The following SLC5A10 variants were observed in gnomAD, a reference collection of about 807,000 sequenced individuals.
The protein encoded by SLC5A10 is solute carrier family 5 member 10, also known as sodium/mannose cotransporter SLC5A10.
Under a neutral mutation model 68.9 loss-of-function variants are expected in SLC5A10, and 55 were observed. That is an observed-to-expected ratio of 0.80 (90% CI 0.64 to 1.00). The LOEUF is 1.00. Among genes scored for constraint, SLC5A10 ranks in the 50% least tolerant of loss-of-function variants. The pLI, the probability that SLC5A10 is intolerant of heterozygous loss-of-function variation, is 0.00. For synonymous variants in SLC5A10, 344 were observed against 344.8 expected (o/e 1.00, Z 0.02); for missense variants, 732 against 819.3 (o/e 0.89, Z 1.30).
chr17:18,966,238 G>A (rs565442508), intron 5 of SLC5A10, among the ~76,000 whole-genome samples: 1 of 152,258 alleles, frequency 6.6e-6, no homozygotes, highest in African/African-American at 2.4e-5. Context: ...GGCACCTCTG[G>A]ACAGCAGCCT....
intron 5 of SLC5A10, among the ~76,000 whole-genome samples, chr17:18,961,973 T>A (rs2042621868): frequency 6.6e-6 from 1 of 152,202 alleles, no homozygotes. Flanking sequence ...TGTAGGAGGT[T>A]TGCTTTCTCT....
Position 19,021,850 on chromosome 17 carries a change from G to T in SLC5A10, c.*1419G>T. The T allele has an allele frequency of 8.3e-7, 1 of 1,204,010 alleles. No individual in the cohort carries two copies. The highest frequency in any genetic ancestry group is 1.8e-5 in the South Asian group (1 of 54,862). The allele number at this position is 1,204,010 out of a possible 1,614,324, so 74.6% of individuals were successfully genotyped here. A position where few individuals can be genotyped will look rare whatever the true frequency, so the allele number is the denominator to read the frequency against. On this transcript the variant is annotated 3_prime_UTR_variant, in exon 15 of 15. Transcript: ENST00000395645. This position sits in a 1 kb window ranked among gnomAD's most constrained non-coding sequence, Gnocchi z 4.1. Reference sequence around the variant, plus strand: ...GTTAGGAGCCCACGTTCAGTCCAAGGCCGTCCACTGAGCCCCGTGTGACTC... The same window carrying T: ...GTTAGGAGCCCACGTTCAGTCCAAGTCCGTCCACTGAGCCCCGTGTGACTC...
chr17:18,979,264 G>A (rs1436677560), intron 9 of SLC5A10: 1 of 490,644 alleles, frequency 2.0e-6, no homozygotes, highest in Non-Finnish European at 3.7e-6. Context: ...CATCCCTAAG[G>A]ACGGCTCTCA....
chr17:18,994,973 T>C (rs2043526231), intron 9 of SLC5A10, among the ~76,000 whole-genome samples: 1 of 152,218 alleles, frequency 6.6e-6, no homozygotes, highest in Non-Finnish European at 1.5e-5. Flanking sequence ...TCCTGCCTAA[T>C]AAAGCTTGAC....
chr17:18,971,812 C>T lies in SLC5A10; in HGVS notation c.846+594C>T, dbSNP rs1482530869. 8.7e-6 allele frequency: 13 copies of T among 1,501,884 alleles called. No homozygotes were observed. The highest frequency in any genetic ancestry group is 1.1e-5 in the Non-Finnish European group (12 of 1,124,438). The allele number at this position is 1,501,884 out of a possible 1,614,324, so 93.0% of individuals were successfully genotyped here. On this transcript the variant is annotated intron_variant, in intron 8 of 14. Coordinates refer to ENST00000395645, the MANE Select transcript of SLC5A10 (RefSeq NM_001042450.4). This position sits in a 1 kb window ranked among gnomAD's most constrained non-coding sequence, Gnocchi z 5.5. ...GGGCCAACCCCGCCCCAGCACAGGA[C>T]CCTGCTCAGGCACACAGGAGCCGGC...
intron 9 of SLC5A10, among the ~76,000 whole-genome samples, chr17:19,007,900 A>G (rs879577962): frequency 6.7e-5 from 9 of 134,800 alleles, no homozygotes; most frequent in Admixed American, 6.2e-4. Flanking sequence ...ATTTGGGAAG[A>G]AAAATTGCAA....
chr17:19,003,395 G>A lies in SLC5A10; in HGVS notation c.983-10015G>A. 9.3e-7 allele frequency: 1 copy of A among 1,069,968 alleles called. No individual in the cohort carries two copies. The highest frequency in any genetic ancestry group is 1.2e-6 in the Non-Finnish European group (1 of 805,216). 66.3% of individuals were successfully genotyped at this position (1,069,968 alleles called of 1,614,324 possible). A position where few individuals can be genotyped will look rare whatever the true frequency, so the allele number is the denominator to read the frequency against. On this transcript the variant is annotated intron_variant, in intron 9 of 14. Coordinates refer to ENST00000395645, the MANE Select transcript of SLC5A10 (RefSeq NM_001042450.4). The surrounding 1 kb of genome is among the most constrained non-coding windows in gnomAD (Gnocchi z 4.5). ...AAACCTCCACCCAAGAGGCAGCCAGGGAAAACAGCAGAGATCCCTAGAAGC... is the reference window on the plus strand; with the variant it reads ...AAACCTCCACCCAAGAGGCAGCCAGAGAAAACAGCAGAGATCCCTAGAAGC...
At chr17:18,976,615 A>G in intron 8 of SLC5A10, 1 of 538,632 alleles carries the variant, frequency 1.9e-6, no homozygotes, top group Non-Finnish European at 3.3e-6. Context: ...TTGACAGGTC[A>G]GGGGACTGAG....
rs2043773628 is a variant in SLC5A10 at position 19,003,127 on chromosome 17, A to G, written c.983-10283A>G. 6.6e-6 allele frequency among the ~76,000 whole-genome samples: 1 copy of G among 151,762 alleles called. No individual in the cohort carries two copies. The highest frequency in any genetic ancestry group is 6.6e-5 in the Admixed American group (1 of 15,248). On this transcript the variant is annotated intron_variant, in intron 9 of 14. Coordinates refer to ENST00000395645, the MANE Select transcript of SLC5A10 (RefSeq NM_001042450.4). The surrounding 1 kb of genome is among the most constrained non-coding windows in gnomAD (Gnocchi z 4.5). ...CCCCACAACAAAAGCTCTCCCCACC[A>G]GAGAGCTCATGGTGTGTGCGCGCCT... is the stretch of plus-strand genomic sequence containing the variant.
chr17:18,965,140 C>T (rs1344385520), intron 5 of SLC5A10, among the ~76,000 whole-genome samples: 2 of 151,082 alleles, frequency 1.3e-5, no homozygotes, highest in African/African-American at 4.9e-5. Context: ...TTGCACAAGC[C>T]AAATGCAGGA....
At chr17:19,011,893 T>A (rs1025846530) in intron 9 of SLC5A10, among the ~76,000 whole-genome samples, 2 of 150,672 alleles carry the variant, frequency 1.3e-5, no homozygotes, top group African/African-American at 4.9e-5. Context: ...GGGCTGGGCA[T>A]CTAAGAAGGG....
Position 18,983,279 on chromosome 17 carries a change from G to A in SLC5A10, c.982+6290G>A, listed in dbSNP as rs574659715. Among the ~76,000 whole-genome samples the A allele has an allele frequency of 1.2e-4, 18 of 152,378 alleles. No individual in the cohort carries two copies. The East Asian group carries it at 3.5e-3, about 29-fold the overall frequency. On this transcript the variant is annotated intron_variant, in intron 9 of 14. Transcript: ENST00000395645. ...ATTTCACCCTCACACAACCCCGTGA[G>A]GCATCACTATGGCCATGGGGCGCTC...
chr17:18,981,703 A>G (rs894968205), intron 9 of SLC5A10, among the ~76,000 whole-genome samples: 3 of 152,148 alleles, frequency 2.0e-5, no homozygotes, highest in South Asian at 2.1e-4. Flanking sequence ...GGGATAAACC[A>G]TAGCCTTTTC....
In SLC5A10 at chr17:18,959,598, C is replaced by G; in HGVS notation, c.289-6C>G. 6.2e-7 allele frequency: 1 copy of G among 1,613,740 alleles called. No individual in the cohort carries two copies. The highest frequency in any genetic ancestry group is 8.5e-7 in the Non-Finnish European group (1 of 1,179,970). On this transcript the variant is annotated splice_polypyrimidine_tract_variant and splice_region_variant and intron_variant, in intron 3 of 14. Transcript: ENST00000395645. ...CTGCAGTCCTCACCTGTCTCTGTCC[C>G]CATAGGCCACGTACGTGCTGCTGGC...
chr17:18,963,992 G>A (rs2042662709), intron 5 of SLC5A10, among the ~76,000 whole-genome samples: 1 of 152,176 alleles, frequency 6.6e-6, no homozygotes, highest in African/African-American at 2.4e-5. Flanking sequence ...AACACACCAG[G>A]CATGGTCCTG....
At position 18,968,985 on chromosome 17, in the gene SLC5A10, C is replaced by T; in HGVS notation, c.454-67C>T. 1 of 1,506,636 alleles carries T rather than the reference C, an allele frequency of 6.6e-7. No homozygotes were observed. Among genetic ancestry groups the T allele is most frequent in the East Asian group, 2.3e-5 (1 of 43,236 alleles). 93.3% of individuals were successfully genotyped at this position (1,506,636 alleles called of 1,614,324 possible). ...GCCCAGAGAGGGCCTTGCCCGAGGT[C>T]ACCCAGGGAGTGGCTTGCTGGAGCC... On this transcript the variant is annotated intron_variant, in intron 5 of 14. Coordinates refer to ENST00000395645, the MANE Select transcript of SLC5A10 (RefSeq NM_001042450.4). This position sits in a 1 kb window ranked among gnomAD's most constrained non-coding sequence, Gnocchi z 4.1.
In SLC5A10 at chr17:18,968,823, T is replaced by C. The variant is rs185380397; in HGVS notation, c.454-229T>C. ...AGGCATTGGCCACTTTGGACTTTAT[T>C]AGCAACAGTAATGTCCCCTGACATC... On this transcript the variant is annotated intron_variant, in intron 5 of 14. Transcript: ENST00000395645. This position sits in a 1 kb window ranked among gnomAD's most constrained non-coding sequence, Gnocchi z 4.1. 3.5e-4 allele frequency: 191 copies of C among 538,442 alleles called. No individual in the cohort carries two copies. The highest frequency in any genetic ancestry group is 3.4e-3 in the African/African-American group (177 of 52,076). The allele number at this position is 538,442 out of a possible 1,614,324, so 33.4% of individuals were successfully genotyped here.
At position 19,013,523 on chromosome 17, in the gene SLC5A10, G is replaced by T. The variant is rs1292634588; in HGVS notation, c.1090+6G>T. ...CATGGAACTGATGCCCATCGGTGAG[G>T]CTGTGTGGGTGGGGGTCTGGGTGGA... On this transcript the variant is annotated splice_donor_region_variant and intron_variant, in intron 10 of 14. Coordinates refer to ENST00000395645, the MANE Select transcript of SLC5A10 (RefSeq NM_001042450.4). 1 of 1,467,866 alleles carries T rather than the reference G, an allele frequency of 6.8e-7. No homozygotes were observed. The highest frequency in any genetic ancestry group is 2.4e-5 in the East Asian group (1 of 41,410). 90.9% of individuals were successfully genotyped at this position (1,467,866 alleles called of 1,614,324 possible). A position where few individuals can be genotyped will look rare whatever the true frequency, so the allele number is the denominator to read the frequency against.
In SLC5A10 at chr17:19,015,215, C is replaced by G; in HGVS notation, c.1241+16C>G. The G allele has an allele frequency of 7.7e-7, 1 of 1,299,142 alleles. No individual in the cohort carries two copies. The allele number at this position is 1,299,142 out of a possible 1,614,324, so 80.5% of individuals were successfully genotyped here. On this transcript the variant is annotated intron_variant, in intron 11 of 14. Transcript: ENST00000395645. ...TGGTGGGACGGTACGGGGGTGGGGG[C>G]CAGTACGGGGGTGGGGGAACACTAC...
Sources: allele counts gnomAD v4.1 joint callset (sites outside exome capture counted in the v4.1 genomes callset), GRCh38; gene constraint gnomAD v4.1.1; non-coding constraint Gnocchi (gnomAD v3.1); transcripts MANE v1.5; gene names NCBI Gene and HGNC (gene_info 2026-07-23, HGNC 2026-07-21).